The following EVA1A variants were observed in gnomAD, a reference collection of about 807,000 sequenced individuals.
The protein encoded by EVA1A is eva-1 homolog A, regulator of programmed cell death.
EVA1A carries 7 observed loss-of-function variants against 9.8 expected under a neutral mutation model. The ratio of observed to expected loss-of-function variants is 0.71; its 90% CI spans 0.41 to 1.34. The LOEUF (loss-of-function observed/expected upper bound fraction) is 1.34. EVA1A is among the 40% of genes most tolerant of loss of function. EVA1A has a pLI of 0.01. For missense variants in EVA1A, 206 were observed against 205.9 expected (o/e 1.00, Z 0.00); for synonymous variants, 90 against 85.6 (o/e 1.05, Z -0.28).
At chr2:75,541,992 A>G (rs1676141909) in intron 1 of EVA1A, 1 of 152,162 alleles carries the variant, frequency 6.6e-6, no homozygotes. Flanking sequence ...CCCATGTGTT[A>G]TGGGAGGGAC....
chr2:75,499,067 T>C (rs1314015154), intron 3 of EVA1A, among the ~76,000 whole-genome samples: 1 of 152,254 alleles, frequency 6.6e-6, no homozygotes, highest in African/African-American at 2.4e-5. Context: ...GGAATGGGCC[T>C]GAGTCTTATC....
chr2:75,502,285 CT>C (rs1674457357), intron 3 of EVA1A, among the ~76,000 whole-genome samples: 1 of 152,172 alleles, frequency 6.6e-6, no homozygotes, highest in Non-Finnish European at 1.5e-5. Context: ...ATCTCCATTT[CT>C]TAGAGACTCC....
At chr2:75,502,940 C>A (rs935004179) in intron 3 of EVA1A, among the ~76,000 whole-genome samples, 1 of 152,196 alleles carries the variant, frequency 6.6e-6, no homozygotes, top group African/African-American at 2.4e-5. Flanking sequence ...ACTGCCCTCA[C>A]CCCACCTATT....
intron 3 of EVA1A, among the ~76,000 whole-genome samples, chr2:75,515,106 G>C (rs1453302658): frequency 6.6e-6 from 1 of 152,120 alleles, no homozygotes; most frequent in Admixed American, 6.6e-5. Context: ...TTCTTCTTTT[G>C]CAAACTGTTG....
intron 3 of EVA1A, among the ~76,000 whole-genome samples, chr2:75,504,889 AC>A (rs1222026590): frequency 6.6e-6 from 1 of 152,082 alleles, no homozygotes; most frequent in Non-Finnish European, 1.5e-5. Context: ...GGTGCAGAAA[AC>A]CACCATGGCA....
intron 3 of EVA1A, among the ~76,000 whole-genome samples, chr2:75,510,589 T>G (rs1013178431): frequency 1.2e-4 from 19 of 152,192 alleles, no homozygotes; most frequent in Non-Finnish European, 1.9e-4. Context: ...CTAAACAGCA[T>G]AACTGTACTT....
intron 1 of EVA1A, among the ~76,000 whole-genome samples, chr2:75,551,558 T>C (rs923607358): frequency 3.3e-5 from 5 of 152,218 alleles, no homozygotes; most frequent in African/African-American, 1.2e-4. Flanking sequence ...GAGGTCAGTG[T>C]TGTGCCCTAG....
At chr2:75,514,591 C>A (rs1351911336) in intron 3 of EVA1A, among the ~76,000 whole-genome samples, 1 of 152,014 alleles carries the variant, frequency 6.6e-6, no homozygotes, top group Non-Finnish European at 1.5e-5. Flanking sequence ...CCTTCACCTA[C>A]AAAAATGTGG....
chr2:75,561,079 G>A (rs535539201), upstream of EVA1A: 6 of 152,316 alleles, frequency 3.9e-5, no homozygotes, highest in Non-Finnish European at 7.3e-5. Flanking sequence ...AACCTGAACG[G>A]CTGCGGCGTG....
In EVA1A at chr2:75,493,598, G is replaced by T; in HGVS notation, c.97C>A (p.Arg33=). ...CCAGAAACAAAGTACAGAGCTGCTC[G>T]CTCAGGATTTTCTGGAGGAAGAAGA... ...AYSFVSENPE[R]AALYFVSGVC... Residue 33 remains arginine, a synonymous_variant, in exon 4 of 4, where the codon CGA becomes AGA. Coordinates refer to ENST00000393913, the MANE Select transcript of EVA1A (RefSeq NM_001135032.2). 1 of 1,588,600 alleles carries T rather than the reference G, an allele frequency of 6.3e-7. No homozygotes were observed. Among genetic ancestry groups the T allele is most frequent in the Non-Finnish European group, 8.6e-7 (1 of 1,165,642 alleles).
chr2:75,527,197 C>T (rs908607214), intron 1 of EVA1A, among the ~76,000 whole-genome samples: 2 of 152,222 alleles, frequency 1.3e-5, no homozygotes, highest in Non-Finnish European at 2.9e-5. Context: ...CCCACACCCA[C>T]ACCAGCAAAG....
chr2:75,537,758 G>C (rs1326065904), intron 1 of EVA1A, among the ~76,000 whole-genome samples: 1 of 152,124 alleles, frequency 6.6e-6, no homozygotes, highest in East Asian at 1.9e-4. Context: ...CTTTATGCGA[G>C]AGCTGACTGT....
chr2:75,510,465 C>G (rs1674771004), intron 3 of EVA1A, among the ~76,000 whole-genome samples: 1 of 152,062 alleles, frequency 6.6e-6, no homozygotes, highest in African/African-American at 2.4e-5. Flanking sequence ...CTCAAATGCC[C>G]AAATTCGTGA....
At chr2:75,534,882 T>C (rs1401858337) in intron 1 of EVA1A, among the ~76,000 whole-genome samples, 2 of 152,098 alleles carry the variant, frequency 1.3e-5, no homozygotes, top group East Asian at 3.8e-4. Context: ...TGGTTTCAGA[T>C]ATTATATTTA....
upstream of EVA1A, among the ~76,000 whole-genome samples, chr2:75,562,617 C>T (rs1313157887): frequency 3.3e-5 from 5 of 152,208 alleles, no homozygotes; most frequent in African/African-American, 1.2e-4. Flanking sequence ...CTCCCCTCTC[C>T]GACCTCTGTT....
chr2:75,522,444 T>C lies in EVA1A; in HGVS notation c.-148A>G, dbSNP rs1675264690. 1 of 152,204 alleles carries C rather than the reference T, an allele frequency of 6.6e-6. No individual in the cohort carries two copies. Among genetic ancestry groups the C allele is most frequent in the African/African-American group, 2.4e-5 (1 of 41,438 alleles). The allele number at this position is 152,204 out of a possible 1,614,324, so 9.4% of individuals were successfully genotyped here. Reference sequence around the variant, plus strand: ...CTCTGATGATGTTGGCATCAGCCAGTAGAGGTTCTAAAACTTGTTTGGCCC... The same window carrying C: ...CTCTGATGATGTTGGCATCAGCCAGCAGAGGTTCTAAAACTTGTTTGGCCC... On this transcript the variant is annotated 5_prime_UTR_variant, in exon 2 of 4. Transcript: ENST00000393913.
At chr2:75,536,025 G>A (rs1675879077) in intron 1 of EVA1A, among the ~76,000 whole-genome samples, 2 of 152,192 alleles carry the variant, frequency 1.3e-5, no homozygotes, top group Non-Finnish European at 2.9e-5. Flanking sequence ...GTGGGCCACC[G>A]CACCCAGCCA....
intron 3 of EVA1A, among the ~76,000 whole-genome samples, chr2:75,503,778 G>A (rs1370714618): frequency 2.0e-5 from 3 of 152,202 alleles, no homozygotes; most frequent in African/African-American, 7.2e-5. Flanking sequence ...TGAGTGGAGG[G>A]TAGGAGGGAG....
intron 1 of EVA1A, among the ~76,000 whole-genome samples, chr2:75,568,402 ATAAT>A (rs1253738594): frequency 1.3e-5 from 2 of 150,774 alleles, no homozygotes; most frequent in Admixed American, 6.6e-5. Context: ...TAATAAATAA[ATAAT>A]TATTAAATAA....
Sources: allele counts gnomAD v4.1 joint callset (sites outside exome capture counted in the v4.1 genomes callset), GRCh38; gene constraint gnomAD v4.1.1; transcripts MANE v1.5; gene names NCBI Gene and HGNC (gene_info 2026-07-23, HGNC 2026-07-21).